NCKAP5: variants seen among roughly 807,000 people sequenced by gnomAD.
The protein encoded by NCKAP5 is nck-associated protein 5.
Under a neutral mutation model 167.0 loss-of-function variants are expected in NCKAP5, and 92 were observed. That is an observed-to-expected ratio of 0.55 (90% confidence interval 0.47 to 0.66). The LOEUF is 0.66. Ranked by LOEUF, NCKAP5 falls within the 30% of genes least tolerant of loss-of-function variation. The pLI, the probability that NCKAP5 is intolerant of heterozygous loss-of-function variation, is 0.00. For synonymous variants in NCKAP5, 891 were observed against 877.4 expected (o/e 1.02, Z -0.27); for missense variants, 2,378 against 2,315.0 (o/e 1.03, Z -0.56).
At chr2:133,263,834 CT>C (rs11424182) in intron 4 of NCKAP5, among the ~76,000 whole-genome samples, 1 of 151,990 alleles carries the variant, frequency 6.6e-6, no homozygotes, top group African/African-American at 2.4e-5. Context: ...CACACAAACT[CT>C]TTTTTTTATA....
chr2:133,385,629 C>A (rs1262951607), intron 3 of NCKAP5, among the ~76,000 whole-genome samples: 1 of 151,756 alleles, frequency 6.6e-6, no homozygotes, highest in African/African-American at 2.4e-5. Flanking sequence ...ATGGTACCAG[C>A]CCCTCCTTGT....
intron 15 of NCKAP5, among the ~76,000 whole-genome samples, chr2:132,778,434 G>C (rs1180519861): frequency 1.3e-5 from 2 of 152,004 alleles, no homozygotes; most frequent in African/African-American, 4.8e-5. Context: ...TACACATGTG[G>C]ATTTGTTATA....
intron 11 of NCKAP5, among the ~76,000 whole-genome samples, chr2:132,845,814 T>TA (rs1272455283): frequency 6.6e-6 from 1 of 152,206 alleles, no homozygotes; most frequent in Non-Finnish European, 1.5e-5. Context: ...ACAAGTCCCA[T>TA]AAAAAATTGT....
chr2:132,675,877 C>T (rs1384409400), intron 19 of NCKAP5, among the ~76,000 whole-genome samples: 1 of 150,886 alleles, frequency 6.6e-6, no homozygotes, highest in African/African-American at 2.4e-5. Context: ...ACATGAACTT[C>T]TCGGGTTTCC....
intron 3 of NCKAP5, among the ~76,000 whole-genome samples, chr2:133,516,973 T>C (rs185315750): frequency 1.3e-5 from 2 of 152,268 alleles, no homozygotes; most frequent in Admixed American, 1.3e-4. Context: ...AAGAATAATA[T>C]TCATCAGCAT....
At chr2:132,680,999 A>C (rs72985902) in intron 19 of NCKAP5, among the ~76,000 whole-genome samples, 2,074 of 152,250 alleles carry the variant, frequency 0.014, 58 homozygotes, top group African/African-American at 0.047. Context: ...AGTTGTGGTC[A>C]ATTTCTCCAA....
At chr2:133,311,454 C>A (rs1017855905) in intron 3 of NCKAP5, among the ~76,000 whole-genome samples, 3 of 152,138 alleles carry the variant, frequency 2.0e-5, no homozygotes, top group African/African-American at 7.2e-5. Context: ...TGAGCCCAGT[C>A]CTCCTGGGTT....
chr2:133,605,720 T>C, the NCKAP5 span, among the ~76,000 whole-genome samples: 6 of 152,248 alleles, frequency 3.9e-5, no homozygotes, highest in Admixed American at 1.3e-4. Flanking sequence ...TTTGTTGATT[T>C]GATTTGTTCT....
chr2:132,906,020 A>T (rs1693985317), intron 8 of NCKAP5, among the ~76,000 whole-genome samples: 1 of 152,170 alleles, frequency 6.6e-6, no homozygotes, highest in African/African-American at 2.4e-5. Flanking sequence ...ATATTTTTCT[A>T]TTGAGATTGC....
intron 7 of NCKAP5, among the ~76,000 whole-genome samples, chr2:132,975,425 A>G (rs1239656007): frequency 1.3e-5 from 2 of 152,170 alleles, no homozygotes; most frequent in Non-Finnish European, 1.5e-5. Flanking sequence ...TTCCATATTG[A>G]ACAGATCCTG....
chr2:133,193,564 A>C (rs1326889461), intron 5 of NCKAP5, among the ~76,000 whole-genome samples: 1 of 152,110 alleles, frequency 6.6e-6, no homozygotes, highest in Non-Finnish European at 1.5e-5. Flanking sequence ...AGTGTATTCT[A>C]GTGATTATTA....
intron 11 of NCKAP5, among the ~76,000 whole-genome samples, chr2:132,797,702 G>C (rs1016502806): frequency 6.6e-6 from 1 of 152,178 alleles, no homozygotes; most frequent in African/African-American, 2.4e-5. Context: ...AAATGCCTTT[G>C]CTTCTTTGCC....
the NCKAP5 span, among the ~76,000 whole-genome samples, chr2:133,601,072 C>T: frequency 0.012 from 1,852 of 152,314 alleles, 14 homozygotes; most frequent in Non-Finnish European, 0.018. Context: ...GTCTTTACGG[C>T]GCCTTGTCCT....
chr2:133,651,352 A>G, the NCKAP5 span, among the ~76,000 whole-genome samples: 2 of 152,328 alleles, frequency 1.3e-5, no homozygotes, highest in African/African-American at 4.8e-5. Flanking sequence ...AAGGACTTGG[A>G]TAGACATTTC....
chr2:133,112,253 T>G (rs545947803), intron 6 of NCKAP5, among the ~76,000 whole-genome samples: 1 of 152,210 alleles, frequency 6.6e-6, no homozygotes, highest in Middle Eastern at 3.4e-3. Context: ...GGCAGGTGGA[T>G]CACGAGGTCA....
chr2:133,079,979 T>C (rs60957174), intron 6 of NCKAP5, among the ~76,000 whole-genome samples: 5,740 of 152,230 alleles, frequency 0.038, 200 homozygotes, highest in African/African-American at 0.094. Flanking sequence ...ACCTCAGGCT[T>C]TGTTTACTTC....
intron 8 of NCKAP5, among the ~76,000 whole-genome samples, chr2:132,900,306 G>A (rs1040125047): frequency 6.6e-5 from 10 of 152,094 alleles, no homozygotes; most frequent in Non-Finnish European, 8.8e-5. Context: ...CAGGGTTGCC[G>A]CAAACCCTCA....
At chr2:133,006,968 A>G (rs1269608687) in intron 6 of NCKAP5, among the ~76,000 whole-genome samples, 1 of 152,156 alleles carries the variant, frequency 6.6e-6, no homozygotes, top group South Asian at 2.1e-4. Flanking sequence ...GTTCCATGAT[A>G]TTTCAGAGTA....
intron 4 of NCKAP5, among the ~76,000 whole-genome samples, chr2:133,260,668 C>T (rs2088857879): frequency 6.6e-6 from 1 of 152,196 alleles, no homozygotes; most frequent in African/African-American, 2.4e-5. Context: ...ATTTGGACGC[C>T]TGTCCCTCGG....
Sources: gnomAD v4.1 joint callset for allele counts (sites outside exome capture counted in the v4.1 genomes callset) on GRCh38, gnomAD v4.1.1 for gene constraint, MANE v1.5 for transcripts, NCBI Gene and HGNC (gene_info 2026-07-23, HGNC 2026-07-21) for gene names.